The following NLGN1 variants were observed in gnomAD, a reference collection of about 807,000 sequenced individuals.
The protein encoded by NLGN1 is neuroligin 1.
In NLGN1, 12 loss-of-function variants were observed where a neutral mutation model predicts 65.5. That is an observed-to-expected ratio of 0.18 (90% CI 0.12 to 0.30). The LOEUF is 0.30. Ranked by LOEUF, NLGN1 falls within the 10% of genes least tolerant of loss-of-function variation. The pLI is 1.00. For synonymous variants in NLGN1, 350 were observed against 359.5 expected, an observed-to-expected ratio of 0.97 and a Z score of 0.30; for missense variants, 750 against 1,007.1, an observed-to-expected ratio of 0.74 and a Z score of 3.46.
At chr3:174,158,157 C>T (rs1381867665) in intron 4 of NLGN1, among the ~76,000 whole-genome samples, 2 of 151,816 alleles carry the variant, frequency 1.3e-5, no homozygotes, top group East Asian at 3.9e-4. Context: ...AGTGTGTTTT[C>T]ACTCACTCCT....
chr3:173,548,145 A>T (rs1057367832), intron 2 of NLGN1, among the ~76,000 whole-genome samples: 18 of 152,006 alleles, frequency 1.2e-4, no homozygotes, highest in Non-Finnish European at 5.9e-5. Flanking sequence ...AAAACCAAAC[A>T]CTTTTGGCCC....
chr3:174,185,785 G>T (rs1375519077), intron 4 of NLGN1, among the ~76,000 whole-genome samples: 2 of 146,890 alleles, frequency 1.4e-5, no homozygotes, highest in Admixed American at 7.0e-5. Flanking sequence ...GTCAGTAAAG[G>T]TACCCTAAAA....
intron 2 of NLGN1, among the ~76,000 whole-genome samples, chr3:173,557,072 G>A (rs563182280): frequency 6.6e-6 from 1 of 152,036 alleles, no homozygotes; most frequent in Admixed American, 6.6e-5. Context: ...CACTGAGAAA[G>A]TAGTGATAAA....
At chr3:173,459,273 T>A (rs56978218) in intron 2 of NLGN1, among the ~76,000 whole-genome samples, 4,765 of 152,072 alleles carry the variant, frequency 0.031, 251 homozygotes, top group African/African-American at 0.11. Flanking sequence ...ATGCATTTTT[T>A]AAAAAAAATA....
At chr3:173,794,662 T>A (rs1713608668) in intron 3 of NLGN1, among the ~76,000 whole-genome samples, 1 of 152,220 alleles carries the variant, frequency 6.6e-6, no homozygotes, top group Admixed American at 6.5e-5. Flanking sequence ...AGAAATACTG[T>A]ATCTGCATGT....
chr3:173,730,900 G>A (rs946175400), intron 3 of NLGN1, among the ~76,000 whole-genome samples: 4 of 151,972 alleles, frequency 2.6e-5, no homozygotes, highest in Non-Finnish European at 4.4e-5. Flanking sequence ...AATAATTGAG[G>A]AAATAATATT....
intron 4 of NLGN1, among the ~76,000 whole-genome samples, chr3:174,263,149 AATGTAT>A (rs1304974489): frequency 6.6e-6 from 1 of 150,538 alleles, no homozygotes; most frequent in Non-Finnish European, 1.5e-5. Context: ...TGCTGAAAAA[AATGTAT>A]ATTCTGTTGA....
chr3:173,597,239 G>T lies in NLGN1; in HGVS notation c.-320-7040G>T, dbSNP rs548054666. 2.0e-5 allele frequency among the ~76,000 whole-genome samples: 3 copies of T among 152,266 alleles called. No individual in the cohort carries two copies. The East Asian group carries it at 5.8e-4, about 29-fold the overall frequency. On this transcript the variant is annotated intron_variant, in intron 2 of 6. Transcript: ENST00000457714. ...TGTTCTTTGGAGTTAGGCAGTCTTGGGTTTGTTTCTTGGATCTGCCTTTTC... is the reference window on the plus strand; with the variant it reads ...TGTTCTTTGGAGTTAGGCAGTCTTGTGTTTGTTTCTTGGATCTGCCTTTTC...
exon 6 of NLGN1, chr3:174,278,883 T>G (rs1283779758): frequency 6.7e-7 from 1 of 1,495,134 alleles, no homozygotes; most frequent in Non-Finnish European, 8.9e-7. Context: ...GAGCAATAGC[T>G]CAAAGTGGAA....
chr3:174,032,726 A>G (rs533997319), intron 4 of NLGN1, among the ~76,000 whole-genome samples: 1 of 152,232 alleles, frequency 6.6e-6, no homozygotes, highest in African/African-American at 2.4e-5. Flanking sequence ...CAGCAGAGGA[A>G]AGGGAAGAAT....
intron 4 of NLGN1, among the ~76,000 whole-genome samples, chr3:173,810,276 A>G (rs1717615409): frequency 6.6e-6 from 1 of 152,228 alleles, no homozygotes. Flanking sequence ...GCAACAATAA[A>G]GACTGTAGAC....
chr3:174,164,291 G>A (rs950396513), intron 4 of NLGN1, among the ~76,000 whole-genome samples: 1 of 151,590 alleles, frequency 6.6e-6, no homozygotes, highest in Non-Finnish European at 1.5e-5. Flanking sequence ...AAATTACTTA[G>A]CTTTTGCTTG....
intron 4 of NLGN1, among the ~76,000 whole-genome samples, chr3:173,984,517 T>C (rs1485689435): frequency 6.6e-6 from 1 of 152,158 alleles, no homozygotes. Context: ...CAAATTACTA[T>C]GTCTCTTTCT....
intron 4 of NLGN1, among the ~76,000 whole-genome samples, chr3:174,034,662 C>G (rs1277369033): frequency 1.3e-5 from 2 of 151,768 alleles, no homozygotes; most frequent in Non-Finnish European, 2.9e-5. Flanking sequence ...CTAAGCTAAA[C>G]ACTAATTTTT....
At chr3:173,700,579 A>G (rs1199408521) in intron 3 of NLGN1, among the ~76,000 whole-genome samples, 1 of 152,240 alleles carries the variant, frequency 6.6e-6, no homozygotes, top group Non-Finnish European at 1.5e-5. Flanking sequence ...CGTAGAATCT[A>G]CACATAATTA....
chr3:173,603,399 A>T (rs1750867276), intron 2 of NLGN1, among the ~76,000 whole-genome samples: 1 of 152,048 alleles, frequency 6.6e-6, no homozygotes, highest in Admixed American at 6.6e-5. Flanking sequence ...GTGATTAGGT[A>T]TGATTATTTT....
At chr3:173,525,158 G>A (rs1310613765) in intron 2 of NLGN1, among the ~76,000 whole-genome samples, 1 of 152,184 alleles carries the variant, frequency 6.6e-6, no homozygotes. Context: ...AATAGTTTCA[G>A]TAAAATTGGT....
At chr3:173,947,275 G>T (rs1009892759) in intron 4 of NLGN1, among the ~76,000 whole-genome samples, 1 of 151,992 alleles carries the variant, frequency 6.6e-6, no homozygotes, top group Non-Finnish European at 1.5e-5. Flanking sequence ...GCCCGCTTCA[G>T]CCTCCCAAAG....
intron 4 of NLGN1, among the ~76,000 whole-genome samples, chr3:173,847,184 C>T (rs527818518): frequency 1.4e-4 from 21 of 152,174 alleles, no homozygotes; most frequent in African/African-American, 5.1e-4. Flanking sequence ...ACTTTCCAGA[C>T]AGTTAAATAT....
Sources: gnomAD v4.1 joint callset for allele counts (sites outside exome capture counted in the v4.1 genomes callset) on GRCh38, gnomAD v4.1.1 for gene constraint, MANE v1.5 for transcripts, NCBI Gene and HGNC (gene_info 2026-07-23, HGNC 2026-07-21) for gene names.